ANKS1B: variants seen among roughly 807,000 people sequenced by gnomAD.
ANKS1B encodes the protein ankyrin repeat and sterile alpha motif domain-containing protein 1B.
In ANKS1B, 36 loss-of-function variants were observed where a neutral mutation model predicts 148.3. That is an observed-to-expected ratio of 0.24 (90% CI 0.19 to 0.32). The LOEUF (loss-of-function observed/expected upper bound fraction) is 0.32. Among genes scored for constraint, ANKS1B ranks in the 10% least tolerant of loss-of-function variants. ANKS1B has a pLI of 1.00. For missense variants in ANKS1B, 1,157 were observed against 1,542.6 expected, an observed-to-expected ratio of 0.75 and a Z score of 4.19; for synonymous variants, 542 against 560.8, an observed-to-expected ratio of 0.97 and a Z score of 0.47.
At chr12:99,449,760 T>A (rs1030076393) in intron 10 of ANKS1B, among the ~76,000 whole-genome samples, 1 of 152,106 alleles carries the variant, frequency 6.6e-6, no homozygotes, top group Non-Finnish European at 1.5e-5. Context: ...TGCGTGATAT[T>A]TGAGAGCAGT....
At chr12:99,265,738 T>A (rs969870906) in intron 12 of ANKS1B, among the ~76,000 whole-genome samples, 3 of 152,144 alleles carry the variant, frequency 2.0e-5, no homozygotes, top group African/African-American at 7.2e-5. Flanking sequence ...AGTAAGCAAG[T>A]CATGATCCTT....
intron 3 of ANKS1B, among the ~76,000 whole-genome samples, chr12:99,811,080 A>G (rs1156907502): frequency 2.6e-5 from 4 of 151,980 alleles, no homozygotes; most frequent in African/African-American, 7.2e-5. Context: ...TATTGTGATA[A>G]ATATTAATAA....
chr12:99,387,206 C>A (rs59628437), intron 12 of ANKS1B, among the ~76,000 whole-genome samples: 6,733 of 152,192 alleles, frequency 0.044, 419 homozygotes, highest in African/African-American at 0.13. Flanking sequence ...TGTTTGTACC[C>A]TCCCAAAATT....
At chr12:99,615,528 C>T (rs974414235) in intron 9 of ANKS1B, among the ~76,000 whole-genome samples, 2 of 152,032 alleles carry the variant, frequency 1.3e-5, no homozygotes, top group African/African-American at 4.8e-5. Context: ...ATAAACAGAA[C>T]CAATGACAAA....
At chr12:99,672,025 A>G (rs1006928442) in intron 8 of ANKS1B, among the ~76,000 whole-genome samples, 2 of 152,114 alleles carry the variant, frequency 1.3e-5, no homozygotes, top group Admixed American at 6.6e-5. Context: ...AGAATTTTTC[A>G]GATGTACCAA....
At chr12:99,027,349 A>G (rs1243561477) in intron 17 of ANKS1B, among the ~76,000 whole-genome samples, 1 of 152,180 alleles carries the variant, frequency 6.6e-6, no homozygotes, top group African/African-American at 2.4e-5. Flanking sequence ...CAGAAACATA[A>G]TTGCTAATTC....
intron 17 of ANKS1B, among the ~76,000 whole-genome samples, chr12:98,991,854 A>T (rs917639115): frequency 1.3e-5 from 2 of 152,248 alleles, no homozygotes; most frequent in African/African-American, 2.4e-5. Context: ...ATACACACAC[A>T]CAAAATTTAA....
chr12:99,423,756 A>G (rs529350506), intron 11 of ANKS1B, among the ~76,000 whole-genome samples: 1 of 152,274 alleles, frequency 6.6e-6, no homozygotes, highest in South Asian at 2.1e-4. Context: ...CAAACACCAC[A>G]TGTTCTCACT....
intron 10 of ANKS1B, among the ~76,000 whole-genome samples, chr12:99,457,234 A>G (rs934351667): frequency 1.3e-5 from 2 of 152,160 alleles, no homozygotes; most frequent in South Asian, 4.1e-4. Flanking sequence ...AGCCATCACT[A>G]AAAGAATGGC....
At chr12:99,621,055 T>C (rs1304943185) in intron 9 of ANKS1B, among the ~76,000 whole-genome samples, 1 of 152,004 alleles carries the variant, frequency 6.6e-6, no homozygotes, top group South Asian at 2.1e-4. Context: ...GACATTTCAG[T>C]TGAAACCTTA....
chr12:99,376,098 T>C (rs1030973410), intron 12 of ANKS1B, among the ~76,000 whole-genome samples: 16 of 152,218 alleles, frequency 1.1e-4, no homozygotes, highest in Non-Finnish European at 1.9e-4. Flanking sequence ...TGTTCAAAAA[T>C]AAACTTCTGA....
chr12:99,378,499 C>T (rs1468080692), intron 12 of ANKS1B, among the ~76,000 whole-genome samples: 2 of 151,452 alleles, frequency 1.3e-5, no homozygotes, highest in African/African-American at 4.9e-5. Context: ...ACTAAAAATA[C>T]AAAAAATTAG....
At chr12:99,059,523 G>A (rs1379088721) in intron 16 of ANKS1B, among the ~76,000 whole-genome samples, 1 of 151,916 alleles carries the variant, frequency 6.6e-6, no homozygotes, top group Non-Finnish European at 1.5e-5. Flanking sequence ...TTCCAGATAG[G>A]ATATTGTGTT....
At chr12:99,626,525 T>C (rs1022532380) in intron 9 of ANKS1B, among the ~76,000 whole-genome samples, 1 of 152,166 alleles carries the variant, frequency 6.6e-6, no homozygotes, top group Admixed American at 6.5e-5. Context: ...CATTTCCCTC[T>C]AATCATTGCT....
At chr12:99,878,186 A>T (rs1363742345) in intron 1 of ANKS1B, among the ~76,000 whole-genome samples, 1 of 152,220 alleles carries the variant, frequency 6.6e-6, no homozygotes, top group East Asian at 1.9e-4. Flanking sequence ...TGTGATTCTC[A>T]TGGTCGCAAA....
intron 10 of ANKS1B, among the ~76,000 whole-genome samples, chr12:99,480,191 T>C (rs1374427248): frequency 6.6e-6 from 1 of 151,856 alleles, no homozygotes; most frequent in East Asian, 1.9e-4. Flanking sequence ...TTATATTGAT[T>C]TGTTTTATGA....
chr12:99,440,444 G>A (rs1044795696), intron 11 of ANKS1B, among the ~76,000 whole-genome samples: 1 of 151,266 alleles, frequency 6.6e-6, no homozygotes, highest in East Asian at 1.9e-4. Flanking sequence ...TTAAGTACAA[G>A]TAAGTAGAAA....
chr12:99,328,312 A>G (rs1047151141), intron 12 of ANKS1B, among the ~76,000 whole-genome samples: 2 of 151,948 alleles, frequency 1.3e-5, no homozygotes, highest in African/African-American at 2.4e-5. Flanking sequence ...TCCAGATAGT[A>G]TCTAACGGGG....
intron 9 of ANKS1B, among the ~76,000 whole-genome samples, chr12:99,637,032 G>A (rs1320426071): frequency 2.0e-5 from 3 of 152,154 alleles, no homozygotes; most frequent in Admixed American, 2.0e-4. Context: ...ATGGCCGGGT[G>A]TGGTGGCTCA....
Sources: gnomAD v4.1 joint callset for allele counts (sites outside exome capture counted in the v4.1 genomes callset) on GRCh38, gnomAD v4.1.1 for gene constraint, MANE v1.5 for transcripts, NCBI Gene and HGNC (gene_info 2026-07-23, HGNC 2026-07-21) for gene names.